The following CDK19 variants were observed in gnomAD, a reference collection of about 807,000 sequenced individuals.
The protein encoded by CDK19 is cyclin-dependent kinase 19.
Under a neutral mutation model 68.3 loss-of-function variants are expected in CDK19, and 20 were observed. The observed-to-expected ratio is 0.29, with a 90% CI of 0.21 to 0.43. The LOEUF is 0.43. Ranked by LOEUF, CDK19 falls within the 20% of genes least tolerant of loss-of-function variation. The pLI, the probability that CDK19 is intolerant of heterozygous loss-of-function variation, is 1.00. For missense variants in CDK19, 339 were observed against 623.5 expected (o/e 0.54, Z 4.86); for synonymous variants, 221 against 222.8 (o/e 0.99, Z 0.07).
Position 110,611,115 on chromosome 6 carries a change from AG to A in CDK19, c.*3419del, listed in dbSNP as rs1778001599. Reference sequence around the variant, plus strand: ...TCACTGCATGATCTACTTCATCACAAGGATTGTTTCAGCCTCATAGTATCAG... The same window carrying A: ...TCACTGCATGATCTACTTCATCACAAGATTGTTTCAGCCTCATAGTATCAG... On this transcript the variant is annotated 3_prime_UTR_variant, in exon 13 of 13. Transcript: ENST00000368911. The A allele has an allele frequency of 6.6e-6, 1 of 152,224 alleles. No individual in the cohort carries two copies. The highest frequency in any genetic ancestry group is 1.5e-5 in the Non-Finnish European group (1 of 68,046). The allele number at this position is 152,224 out of a possible 1,614,324, so 9.4% of individuals were successfully genotyped here.
chr6:110,623,930 T>C (rs1242766003), intron 8 of CDK19, among the ~76,000 whole-genome samples: 1 of 142,936 alleles, frequency 7.0e-6, no homozygotes, highest in East Asian at 1.9e-4. Context: ...TATACGTGTA[T>C]ATATATATAT....
At chr6:110,708,714 G>A (rs1035948015) in intron 2 of CDK19, among the ~76,000 whole-genome samples, 25 of 152,102 alleles carry the variant, frequency 1.6e-4, no homozygotes, top group African/African-American at 5.8e-4. Context: ...TTTTGCAAGG[G>A]TGATGTAAAT....
intron 8 of CDK19, among the ~76,000 whole-genome samples, chr6:110,623,969 T>C (rs9487467): frequency 0.025 from 3,808 of 149,590 alleles, 168 homozygotes; most frequent in African/African-American, 0.087. Flanking sequence ...ACAATCCAAA[T>C]GTCCATCAAC....
chr6:110,815,347 T>C lies in CDK19; in HGVS notation c.-211A>G. ...CACCTCCTCCACCTCTTCCTCCTCCTCCTCCGCGACGGCGGCGGCGGCTCC... is the reference window on the plus strand; with the variant it reads ...CACCTCCTCCACCTCTTCCTCCTCCCCCTCCGCGACGGCGGCGGCGGCTCC... On this transcript the variant is annotated 5_prime_UTR_variant, in exon 1 of 13. Transcript: ENST00000368911. The C allele has an allele frequency of 2.6e-6, 1 of 389,802 alleles. No individual in the cohort carries two copies. The highest frequency in any genetic ancestry group is 7.5e-5 in the South Asian group (1 of 13,268). The allele number at this position is 389,802 out of a possible 1,614,324, so 24.1% of individuals were successfully genotyped here.
At chr6:110,644,257 A>T (rs1326646633) in intron 4 of CDK19, among the ~76,000 whole-genome samples, 1 of 151,798 alleles carries the variant, frequency 6.6e-6, no homozygotes, top group African/African-American at 2.4e-5. Context: ...AGGCCACTGC[A>T]TTCCAGCCTG....
intron 4 of CDK19, among the ~76,000 whole-genome samples, chr6:110,650,561 G>T (rs1292376023): frequency 5.3e-5 from 8 of 152,184 alleles, no homozygotes; most frequent in Admixed American, 3.9e-4. Context: ...GGATGGGAGG[G>T]TATAATTGTC....
intron 2 of CDK19, among the ~76,000 whole-genome samples, chr6:110,690,095 A>G (rs1026806709): frequency 3.3e-5 from 5 of 151,802 alleles, no homozygotes; most frequent in Admixed American, 3.3e-4. Context: ...GGTCTTGGAG[A>G]AGGGGACTTC....
chr6:110,623,430 C>T lies in CDK19; in HGVS notation c.861-68G>A, dbSNP rs138204976. Reference sequence around the variant, plus strand: ...CCAATTGATATTTCTTAATGATAAGCTCCAGGATTGGCTTTCCTATAAGGT... The same window carrying T: ...CCAATTGATATTTCTTAATGATAAGTTCCAGGATTGGCTTTCCTATAAGGT... On this transcript the variant is annotated intron_variant, in intron 8 of 12. Coordinates refer to ENST00000368911, the MANE Select transcript of CDK19 (RefSeq NM_015076.5). 550 of 1,571,244 alleles carry T rather than the reference C, an allele frequency of 3.5e-4. 4 individuals carry two copies. The African/African-American group carries it at 6.8e-3, about 20-fold the overall frequency.
intron 1 of CDK19, among the ~76,000 whole-genome samples, chr6:110,769,564 CAAAA>C (rs199964074): frequency 8.5e-6 from 1 of 117,930 alleles, no homozygotes; most frequent in Non-Finnish European, 1.9e-5. Flanking sequence ...GATTCCATCT[CAAAA>C]AAAAAAAAAA....
chr6:110,755,056 T>C (rs1052990599), intron 1 of CDK19, among the ~76,000 whole-genome samples: 1 of 151,414 alleles, frequency 6.6e-6, no homozygotes, highest in African/African-American at 2.4e-5. Context: ...TTTTTTTTTT[T>C]TGAGATGAAG....
intron 1 of CDK19, among the ~76,000 whole-genome samples, chr6:110,805,282 C>T (rs932423078): frequency 2.6e-5 from 4 of 151,984 alleles, no homozygotes; most frequent in Non-Finnish European, 5.9e-5. Flanking sequence ...CATCTTGTCC[C>T]TTTGTTTTAG....
chr6:110,720,473 C>T (rs1187770522), intron 2 of CDK19, among the ~76,000 whole-genome samples: 4 of 152,150 alleles, frequency 2.6e-5, no homozygotes, highest in Non-Finnish European at 5.9e-5. Flanking sequence ...AATGGTCTTT[C>T]CAGTTTCCAA....
At chr6:110,708,640 T>C (rs1026064881) in intron 2 of CDK19, among the ~76,000 whole-genome samples, 27 of 152,174 alleles carry the variant, frequency 1.8e-4, no homozygotes, top group African/African-American at 6.5e-4. Flanking sequence ...TTCCCTCTAC[T>C]CTTACTTTAC....
chr6:110,648,366 A>G (rs762037715), intron 4 of CDK19, among the ~76,000 whole-genome samples: 12 of 152,168 alleles, frequency 7.9e-5, no homozygotes, highest in Non-Finnish European at 1.5e-4. Flanking sequence ...CTAACTGAAT[A>G]ATATGAAAGA....
At chr6:110,701,956 C>T (rs1774043504) in intron 2 of CDK19, among the ~76,000 whole-genome samples, 3 of 151,778 alleles carry the variant, frequency 2.0e-5, no homozygotes, top group African/African-American at 7.3e-5. Context: ...GCTTGGCTAA[C>T]ACAGTGAAAC....
rs528222002 is a variant in CDK19 at position 110,795,111 on chromosome 6, C to T, written c.128+19898G>A. On this transcript the variant is annotated intron_variant, in intron 1 of 12. Transcript: ENST00000368911. ...TCAGCCTCCTGAGTAGCTGGGACTA[C>T]AGGTGCATGTCACCATGCCTGGATA... Among the ~76,000 whole-genome samples, 4 of 152,234 alleles carry T rather than the reference C, an allele frequency of 2.6e-5. No individual in the cohort carries two copies. In the South Asian group the frequency reaches 6.2e-4, roughly 24 times the overall value.
At chr6:110,707,105 G>A (rs1774575462) in intron 2 of CDK19, among the ~76,000 whole-genome samples, 1 of 151,782 alleles carries the variant, frequency 6.6e-6, no homozygotes. Context: ...GAGGTCAGGA[G>A]TTTGAGACCA....
chr6:110,721,830 G>A (rs1238139748), intron 2 of CDK19, among the ~76,000 whole-genome samples: 5 of 151,986 alleles, frequency 3.3e-5, no homozygotes, highest in Admixed American at 2.6e-4. Context: ...CAGGCGTGGT[G>A]GTGCGCGCCT....
intron 2 of CDK19, among the ~76,000 whole-genome samples, chr6:110,686,079 G>GA (rs975239055): frequency 1.8e-4 from 28 of 151,802 alleles, no homozygotes; most frequent in Non-Finnish European, 3.7e-4. Context: ...ATAGCAATGG[G>GA]AAAAAAAAGT....
Sources: allele counts gnomAD v4.1 joint callset (sites outside exome capture counted in the v4.1 genomes callset), GRCh38; gene constraint gnomAD v4.1.1; transcripts MANE v1.5; gene names NCBI Gene and HGNC (gene_info 2026-07-23, HGNC 2026-07-21).